Variants in WWOX observed in about 807,000 individuals in gnomAD.
WWOX encodes the protein WW domain-containing oxidoreductase.
Under a neutral mutation model 46.2 loss-of-function variants are expected in WWOX, and 69 were observed. That is an observed-to-expected ratio of 1.49 (90% CI 1.23 to 1.82). The LOEUF (loss-of-function observed/expected upper bound fraction) is 1.82, where lower values mean the gene tolerates loss of function less well. Among genes scored for constraint, WWOX ranks in the 40% most tolerant of loss-of-function variants. The pLI is 0.00. For synonymous variants in WWOX, 359 were observed against 202.6 expected, an observed-to-expected ratio of 1.77 and a Z score of -6.56; for missense variants, 919 against 542.6, an observed-to-expected ratio of 1.69 and a Z score of -6.89.
chr16:78,737,136 G>C (rs1597518359), intron 8 of WWOX, among the ~76,000 whole-genome samples: 1 of 151,778 alleles, frequency 6.6e-6, no homozygotes, highest in Admixed American at 6.6e-5. Flanking sequence ...GTCTCACTCT[G>C]TCACCCAGGC....
intron 8 of WWOX, among the ~76,000 whole-genome samples, chr16:78,515,457 TTTTA>T (rs2085465465): frequency 6.6e-6 from 1 of 152,138 alleles, no homozygotes; most frequent in Non-Finnish European, 1.5e-5. Flanking sequence ...CACCAGCTCT[TTTTA>T]TTTATTTCTA....
intron 8 of WWOX, among the ~76,000 whole-genome samples, chr16:78,624,761 T>A (rs180986371): frequency 8.5e-5 from 13 of 152,216 alleles, no homozygotes; most frequent in African/African-American, 3.1e-4. Context: ...TGGAAATTAT[T>A]TATTGCAGAA....
chr16:78,490,516 G>A (rs750743170), intron 8 of WWOX, among the ~76,000 whole-genome samples: 5 of 152,252 alleles, frequency 3.3e-5, no homozygotes, highest in Non-Finnish European at 5.9e-5. Context: ...ACGAACATGC[G>A]TTGTTTTCAA....
intron 8 of WWOX, among the ~76,000 whole-genome samples, chr16:78,686,676 AGGACATTTTTCCG>A (rs2047868842): frequency 6.6e-6 from 1 of 152,150 alleles, no homozygotes. Flanking sequence ...ACCAATGATA[AGGACATTTTTCCG>A]GGAATCCAGT....
At chr16:79,050,064 C>T (rs993552291) in intron 8 of WWOX, among the ~76,000 whole-genome samples, 2 of 152,144 alleles carry the variant, frequency 1.3e-5, no homozygotes, top group African/African-American at 2.4e-5. Context: ...GTCATTAGAG[C>T]TTCAAGATGA....
At chr16:78,345,607 C>T (rs1173792198) in intron 5 of WWOX, among the ~76,000 whole-genome samples, 2 of 90,554 alleles carry the variant, frequency 2.2e-5, no homozygotes, top group African/African-American at 7.5e-5. Context: ...GTCTCTACAC[C>T]TCAGTCTGGG....
At chr16:78,934,345 A>G (rs2045689953) in intron 8 of WWOX, among the ~76,000 whole-genome samples, 1 of 147,878 alleles carries the variant, frequency 6.8e-6, no homozygotes, top group South Asian at 2.1e-4. Context: ...CTCAAAAAAA[A>G]AAAAAAGAAG....
intron 8 of WWOX, among the ~76,000 whole-genome samples, chr16:78,694,984 C>T (rs754957822): frequency 3.3e-5 from 5 of 152,138 alleles, no homozygotes; most frequent in Non-Finnish European, 7.3e-5. Context: ...CCAGTCTATT[C>T]CAATACCAGG....
At chr16:78,395,108 A>G (rs145901722) in intron 6 of WWOX, among the ~76,000 whole-genome samples, 1 of 152,352 alleles carries the variant, frequency 6.6e-6, no homozygotes, top group African/African-American at 2.4e-5. Flanking sequence ...AAATGATCTT[A>G]GAAAGGTTTC....
At chr16:78,384,896 G>A (rs773414683) in intron 5 of WWOX, among the ~76,000 whole-genome samples, 1 of 152,056 alleles carries the variant, frequency 6.6e-6, no homozygotes, top group African/African-American at 2.4e-5. Flanking sequence ...AGCACTTTCG[G>A]AGGCCGGGGT....
At chr16:78,549,108 G>A (rs1229991929) in intron 8 of WWOX, among the ~76,000 whole-genome samples, 1 of 152,190 alleles carries the variant, frequency 6.6e-6, no homozygotes, top group South Asian at 2.1e-4. Flanking sequence ...TCTCTAGAGT[G>A]TCACTGTGGT....
intron 8 of WWOX, among the ~76,000 whole-genome samples, chr16:78,641,216 G>A (rs943568223): frequency 5.7e-4 from 86 of 152,060 alleles, no homozygotes; most frequent in Non-Finnish European, 2.6e-4. Flanking sequence ...TTTTTTTCAG[G>A]TCTAAGTTTC....
intron 5 of WWOX, among the ~76,000 whole-genome samples, chr16:78,254,343 C>T (rs973210186): frequency 6.6e-6 from 1 of 151,872 alleles, no homozygotes; most frequent in African/African-American, 2.4e-5. Context: ...CCTCGGCCTC[C>T]CAAAATGTTG....
At chr16:78,867,002 C>T (rs761414992) in intron 8 of WWOX, among the ~76,000 whole-genome samples, 3 of 152,154 alleles carry the variant, frequency 2.0e-5, no homozygotes, top group Admixed American at 6.5e-5. Context: ...TTGTCATAAA[C>T]GCTCCTATTG....
chr16:78,611,135 T>G (rs993383637), intron 8 of WWOX, among the ~76,000 whole-genome samples: 10 of 152,166 alleles, frequency 6.6e-5, no homozygotes, highest in Non-Finnish European at 1.3e-4. Context: ...ATCATTTAAT[T>G]AGAGATTTGC....
chr16:78,961,584 G>A (rs1305148060), intron 8 of WWOX, among the ~76,000 whole-genome samples: 1 of 151,934 alleles, frequency 6.6e-6, no homozygotes, highest in Non-Finnish European at 1.5e-5. Context: ...GGATGGGTGA[G>A]TAAGGGGGGA....
At chr16:79,111,433 G>A (rs1174205825) in intron 8 of WWOX, among the ~76,000 whole-genome samples, 4 of 152,132 alleles carry the variant, frequency 2.6e-5, no homozygotes, top group African/African-American at 9.7e-5. Context: ...TGGAGACACT[G>A]TTTTCTGTAT....
chr16:78,278,518 T>G (rs937383542), intron 5 of WWOX: 13 of 1,359,122 alleles, frequency 9.6e-6, no homozygotes, highest in Middle Eastern at 1.9e-4. Context: ...TAGCAAAAAC[T>G]TATCTTTGGA....
intron 8 of WWOX, among the ~76,000 whole-genome samples, chr16:78,643,254 C>G (rs1352571947): frequency 1.3e-5 from 2 of 152,184 alleles, no homozygotes; most frequent in Non-Finnish European, 2.9e-5. Context: ...GAATAATTAT[C>G]ATCTATCAAA....
Sources: allele counts gnomAD v4.1 joint callset (sites outside exome capture counted in the v4.1 genomes callset), GRCh38; gene constraint gnomAD v4.1.1; transcripts MANE v1.5; gene names NCBI Gene and HGNC (gene_info 2026-07-23, HGNC 2026-07-21).